The following CACNA2D3 variants were observed in gnomAD, a reference collection of about 807,000 sequenced individuals.
The protein encoded by CACNA2D3 is voltage-dependent calcium channel subunit alpha-2/delta-3.
CACNA2D3 carries 60 observed loss-of-function variants against 160.6 expected under a neutral mutation model. The observed-to-expected ratio is 0.37, with a 90% CI of 0.30 to 0.46. The LOEUF is 0.46. Among genes scored for constraint, CACNA2D3 ranks in the 20% least tolerant of loss-of-function variants. The probability of loss-of-function intolerance (pLI) is 1.00; values close to 1 mark genes in which losing one functional copy is unlikely to be tolerated. For missense variants in CACNA2D3, 1,205 were observed against 1,365.0 expected (o/e 0.88, Z 1.85); for synonymous variants, 558 against 492.9 (o/e 1.13, Z -1.75).
chr3:54,763,545 G>A (rs1290443535), intron 12 of CACNA2D3, among the ~76,000 whole-genome samples: 1 of 150,648 alleles, frequency 6.6e-6, no homozygotes, highest in African/African-American at 2.4e-5. Context: ...AAAAAATAAG[G>A]TTACAAAATA....
intron 10 of CACNA2D3, chr3:54,638,583 T>G (rs563687866): frequency 2.0e-5 from 3 of 151,310 alleles, no homozygotes; most frequent in Non-Finnish European, 2.9e-5. Flanking sequence ...AAAGGAAGAT[T>G]AGAAAGACTC....
At chr3:54,769,626 G>A (rs1702282766) in intron 13 of CACNA2D3, among the ~76,000 whole-genome samples, 1 of 152,094 alleles carries the variant, frequency 6.6e-6, no homozygotes, top group Admixed American at 6.5e-5. Context: ...AAATGTCTAT[G>A]CATAGTATGA....
intron 2 of CACNA2D3, among the ~76,000 whole-genome samples, chr3:54,192,620 A>G (rs1701003435): frequency 1.3e-5 from 2 of 152,028 alleles, no homozygotes; most frequent in East Asian, 1.9e-4. Context: ...GGGAATGAGC[A>G]CGAGAGCCAT....
intron 27 of CACNA2D3, among the ~76,000 whole-genome samples, chr3:54,906,968 T>G (rs1700461593): frequency 6.6e-6 from 1 of 152,152 alleles, no homozygotes; most frequent in Admixed American, 6.5e-5. Flanking sequence ...TTGAGGATTA[T>G]TGCCCCAGGA....
chr3:54,883,381 C>A (rs1171038529), intron 21 of CACNA2D3, among the ~76,000 whole-genome samples: 1 of 152,222 alleles, frequency 6.6e-6, no homozygotes, highest in African/African-American at 2.4e-5. Flanking sequence ...GAGCTTATGT[C>A]ATTATTGTCA....
At chr3:54,799,891 T>A (rs1177535729) in intron 13 of CACNA2D3, among the ~76,000 whole-genome samples, 1 of 152,172 alleles carries the variant, frequency 6.6e-6, no homozygotes, top group Admixed American at 6.5e-5. Flanking sequence ...TGTGTCCCCA[T>A]TGGTACTTCT....
intron 5 of CACNA2D3, among the ~76,000 whole-genome samples, chr3:54,541,145 CGG>C (rs1701969096): frequency 1.3e-5 from 2 of 151,462 alleles, no homozygotes; most frequent in East Asian, 2.0e-4. Flanking sequence ...GGCGTGGTGG[CGG>C]GCGCCTGTAG....
intron 35 of CACNA2D3, among the ~76,000 whole-genome samples, chr3:55,045,687 T>A (rs531948181): frequency 3.9e-5 from 6 of 152,216 alleles, no homozygotes; most frequent in Non-Finnish European, 7.3e-5. Context: ...ATTGTTTTGA[T>A]TGTTTTGTAT....
intron 10 of CACNA2D3, 75 bp downstream of exon 10, chr3:54,627,951 G>C: frequency 9.7e-7 from 1 of 1,026,444 alleles, no homozygotes; most frequent in Non-Finnish European, 1.5e-6. Context: ...TTGTGGGCCA[G>C]GCTGGGCGCT....
chr3:54,401,489 T>C (rs1022107477), intron 4 of CACNA2D3, among the ~76,000 whole-genome samples: 4 of 152,146 alleles, frequency 2.6e-5, no homozygotes, highest in Admixed American at 6.5e-5. Flanking sequence ...GAGATAATTT[T>C]AAAAGAACAA....
intron 2 of CACNA2D3, among the ~76,000 whole-genome samples, chr3:54,211,739 C>T (rs578185621): frequency 6.6e-6 from 1 of 152,238 alleles, no homozygotes; most frequent in Non-Finnish European, 1.5e-5. Context: ...GCTTCTTTAC[C>T]AGTGTACGTA....
intron 13 of CACNA2D3, among the ~76,000 whole-genome samples, chr3:54,777,039 G>A (rs1246899383): frequency 1.3e-5 from 2 of 152,174 alleles, no homozygotes; most frequent in East Asian, 1.9e-4. Context: ...TTACCAGCAT[G>A]AAGAACAATT....
At chr3:54,926,778 T>C (rs1329491128) in intron 27 of CACNA2D3, among the ~76,000 whole-genome samples, 1 of 152,154 alleles carries the variant, frequency 6.6e-6, no homozygotes, top group Non-Finnish European at 1.5e-5. Flanking sequence ...GGTTGCAGTT[T>C]TTTTCTTCAT....
chr3:54,761,150 A>T (rs961449291), intron 12 of CACNA2D3, among the ~76,000 whole-genome samples: 1 of 152,162 alleles, frequency 6.6e-6, no homozygotes, highest in Non-Finnish European at 1.5e-5. Context: ...GTTTTTGGAA[A>T]ATCCAAATCA....
In CACNA2D3 at chr3:55,073,472, C is replaced by T. The variant is rs756963528; in HGVS notation, c.3015C>T (p.Ser1005=). ...SKSFVIQQIP[S]SNLFMVVVDS... ...CCTTTGTCATCCAGCAAATCCCAAGCAGCAACCTGTTCATGGTGGTGGTGG... is the reference window on the plus strand; with the variant it reads ...CCTTTGTCATCCAGCAAATCCCAAGTAGCAACCTGTTCATGGTGGTGGTGG... Residue 1005 remains serine, a synonymous_variant, in exon 36 of 38, where the codon AGC becomes AGT. Transcript: ENST00000474759. 3.7e-6 allele frequency: 6 copies of T among 1,613,786 alleles called. No homozygotes were observed. In the Admixed American group the frequency reaches 6.7e-5, roughly 18 times the overall value.
chr3:54,663,588 A>T (rs1700008946), intron 11 of CACNA2D3, among the ~76,000 whole-genome samples: 1 of 152,248 alleles, frequency 6.6e-6, no homozygotes. Flanking sequence ...AGGCAGGATG[A>T]CAAGAAAGGC....
chr3:55,069,666 C>A (rs1704755175), intron 35 of CACNA2D3, among the ~76,000 whole-genome samples: 1 of 152,178 alleles, frequency 6.6e-6, no homozygotes, highest in East Asian at 1.9e-4. Flanking sequence ...ACAGCAATAT[C>A]TGTTCTCTGG....
chr3:55,023,913 A>G (rs1309975875), intron 35 of CACNA2D3, among the ~76,000 whole-genome samples: 1 of 149,340 alleles, frequency 6.7e-6, no homozygotes, highest in Non-Finnish European at 1.5e-5. Flanking sequence ...CTTAGCAGTA[A>G]ATTTACAAGT....
intron 5 of CACNA2D3, among the ~76,000 whole-genome samples, chr3:54,536,205 C>T (rs1701886829): frequency 6.6e-6 from 1 of 152,172 alleles, no homozygotes; most frequent in Non-Finnish European, 1.5e-5. Flanking sequence ...TAGTGGCATG[C>T]CGCATACACG....
Sources: gnomAD v4.1 joint callset for allele counts (sites outside exome capture counted in the v4.1 genomes callset) on GRCh38, gnomAD v4.1.1 for gene constraint, MANE v1.5 for transcripts, NCBI Gene and HGNC (gene_info 2026-07-23, HGNC 2026-07-21) for gene names.